PIK3R5: variants seen among roughly 807,000 people sequenced by gnomAD.
PIK3R5 encodes the protein phosphoinositide-3-kinase regulatory subunit 5.
PIK3R5 carries 32 observed loss-of-function variants against 94.9 expected under a neutral mutation model. That is an observed-to-expected ratio of 0.34 (90% CI 0.25 to 0.45). PIK3R5 has a LOEUF of 0.45. Among genes scored for constraint, PIK3R5 ranks in the 20% least tolerant of loss-of-function variants. The pLI, the probability that PIK3R5 is intolerant of heterozygous loss-of-function variation, is 1.00. For synonymous variants in PIK3R5, 443 were observed against 479.4 expected (o/e 0.92, Z 0.99); for missense variants, 853 against 1,144.6 (o/e 0.75, Z 3.68).
intron 1 of PIK3R5, among the ~76,000 whole-genome samples, chr17:8,928,459 G>GA (rs1327107336): frequency 6.6e-6 from 1 of 152,120 alleles, no homozygotes; most frequent in African/African-American, 2.4e-5. Context: ...ACATCTCATA[G>GA]TCAAAATTCT....
chr17:8,963,759 T>C (rs771745390), intron 1 of PIK3R5, among the ~76,000 whole-genome samples: 12 of 152,094 alleles, frequency 7.9e-5, no homozygotes, highest in Non-Finnish European at 1.5e-4. Flanking sequence ...CTGCTTCTAC[T>C]GCAGCCTGAG....
intron 5 of PIK3R5, among the ~76,000 whole-genome samples, chr17:8,897,757 T>G (rs1275477516): frequency 6.6e-6 from 1 of 152,164 alleles, no homozygotes; most frequent in Non-Finnish European, 1.5e-5. Context: ...TTAACTGGAA[T>G]GTGGACATGA....
intron 1 of PIK3R5, among the ~76,000 whole-genome samples, chr17:8,942,796 A>C (rs560411269): frequency 7.9e-5 from 12 of 151,858 alleles, no homozygotes; most frequent in East Asian, 5.9e-4. Context: ...TTAGTAGAGA[A>C]GGGGTTTCAC....
At position 8,893,316 on chromosome 17, in the gene PIK3R5, G is replaced by A. The variant is rs1023924543; in HGVS notation, c.482+270C>T. 6.6e-6 allele frequency among the ~76,000 whole-genome samples: 1 copy of A among 152,150 alleles called. No homozygotes were observed. The highest frequency in any genetic ancestry group is 2.4e-5 in the African/African-American group (1 of 41,416). On this transcript the variant is annotated intron_variant, in intron 6 of 18. Coordinates refer to ENST00000447110, the MANE Select transcript of PIK3R5 (RefSeq NM_001142633.3). The surrounding 1 kb of genome is among the most constrained non-coding windows in gnomAD (Gnocchi z 5.1). ...TCATCTGAAAATAATGAAAGTGGGG[G>A]AACTGTGTGCCTAACACCTGGCATA...
intron 1 of PIK3R5, among the ~76,000 whole-genome samples, chr17:8,964,742 TGAG>T (rs2091634642): frequency 6.6e-6 from 1 of 152,230 alleles, no homozygotes; most frequent in Non-Finnish European, 1.5e-5. Flanking sequence ...GTGGGGTGGA[TGAG>T]AAGACACAGA....
chr17:8,903,308 TTATC>T (rs1218707900), intron 5 of PIK3R5, among the ~76,000 whole-genome samples: 1 of 151,736 alleles, frequency 6.6e-6, no homozygotes, highest in Admixed American at 6.6e-5. Flanking sequence ...TCTTCTTCCA[TTATC>T]TATCTATTCT....
At chr17:8,923,048 AG>A (rs1468199165) in intron 1 of PIK3R5, among the ~76,000 whole-genome samples, 3 of 152,110 alleles carry the variant, frequency 2.0e-5, no homozygotes, top group African/African-American at 7.2e-5. Context: ...AGGATGAAGG[AG>A]GGGAAGGAGA....
chr17:8,959,032 A>C (rs1041448463), intron 1 of PIK3R5, among the ~76,000 whole-genome samples: 1 of 152,214 alleles, frequency 6.6e-6, no homozygotes, highest in African/African-American at 2.4e-5. Context: ...TGCTGGGATT[A>C]CAGGTGTGAG....
Position 8,911,199 on chromosome 17 carries a change from T to C in PIK3R5, c.103+193A>G, listed in dbSNP as rs532393452. ...AGATGCCGTGGGAGAAGGGAGAAAG[T>C]GCCAGACACTGAGGTCTGACTACAT... On this transcript the variant is annotated intron_variant, in intron 2 of 18. Transcript: ENST00000447110. The surrounding 1 kb of genome is among the most constrained non-coding windows in gnomAD (Gnocchi z 5.3). 1.3e-5 allele frequency among the ~76,000 whole-genome samples: 2 copies of C among 152,294 alleles called. No individual in the cohort carries two copies. Among genetic ancestry groups the C allele is most frequent in the African/African-American group, 4.8e-5 (2 of 41,576 alleles).
chr17:8,936,179 C>T (rs2091072893), intron 1 of PIK3R5, among the ~76,000 whole-genome samples: 1 of 152,068 alleles, frequency 6.6e-6, no homozygotes, highest in Non-Finnish European at 1.5e-5. Flanking sequence ...CCTCTCCTTC[C>T]TCCTCCCACC....
chr17:8,897,507 C>A (rs2090179022), intron 5 of PIK3R5, among the ~76,000 whole-genome samples: 1 of 152,174 alleles, frequency 6.6e-6, no homozygotes, highest in African/African-American at 2.4e-5. Flanking sequence ...TGAGATGAGA[C>A]CTTTCATAAC....
intron 5 of PIK3R5, among the ~76,000 whole-genome samples, chr17:8,898,212 C>T (rs1264182271): frequency 1.3e-5 from 2 of 152,188 alleles, no homozygotes; most frequent in Non-Finnish European, 2.9e-5. Context: ...AGTAATGTCC[C>T]CAGAGAAATG....
Position 8,888,600 on chromosome 17 carries a change from T to TCGCTGTCCTCCACGTAGC in PIK3R5, c.1169_1186dup (p.Gly390_Ser395dup). The TCGCTGTCCTCCACGTAGC allele has an allele frequency of 6.2e-6, 10 of 1,612,472 alleles. No individual in the cohort carries two copies. The highest frequency in any genetic ancestry group is 8.5e-6 in the Non-Finnish European group (10 of 1,179,488). On this transcript the variant is annotated inframe_insertion, in exon 10 of 19. Coordinates refer to ENST00000447110, the MANE Select transcript of PIK3R5 (RefSeq NM_001142633.3). This position sits in a 1 kb window ranked among gnomAD's most constrained non-coding sequence, Gnocchi z 7.8. ...CCAAGGCCACTCGGAGGAGCTCTCC[T>TCGCTGTCCTCCACGTAGC]CGCTGTCCTCCACGTAGCCGCTGTC...
In PIK3R5 at chr17:8,888,154, C is replaced by G; in HGVS notation, c.1616+17G>C. 6.2e-7 allele frequency: 1 copy of G among 1,612,458 alleles called. No individual in the cohort carries two copies. Among genetic ancestry groups the G allele is most frequent in the Non-Finnish European group, 8.5e-7 (1 of 1,179,302 alleles). ...TGTTACCCAGGGCAGAGGGATGCTC[C>G]GCATTACGGCTCTTACCGAAGGTTG... On this transcript the variant is annotated intron_variant, in intron 10 of 18. Transcript: ENST00000447110. The surrounding 1 kb of genome is among the most constrained non-coding windows in gnomAD (Gnocchi z 7.8).
At position 8,890,183 on chromosome 17, in the gene PIK3R5, T is replaced by C; in HGVS notation, c.658-57A>G. 1 of 1,564,890 alleles carries C rather than the reference T, an allele frequency of 6.4e-7. No individual in the cohort carries two copies. The highest frequency in any genetic ancestry group is 8.8e-7 in the Non-Finnish European group (1 of 1,141,686). ...CTGGACCGTGAGCTAGCTGTCCACC[T>C]GTTCCAGTTGCTAGCTTCTTACTGA... On this transcript the variant is annotated intron_variant, in intron 7 of 18. Coordinates refer to ENST00000447110, the MANE Select transcript of PIK3R5 (RefSeq NM_001142633.3). This position sits in a 1 kb window ranked among gnomAD's most constrained non-coding sequence, Gnocchi z 6.1.
At chr17:8,926,909 G>GTT (rs143477773) in intron 1 of PIK3R5, among the ~76,000 whole-genome samples, 9,235 of 151,818 alleles carry the variant, frequency 0.061, 300 homozygotes, top group African/African-American at 0.071. Context: ...GATAACAGAG[G>GTT]TTATATATAT....
intron 1 of PIK3R5, among the ~76,000 whole-genome samples, chr17:8,950,649 A>G (rs2091360131): frequency 6.6e-6 from 1 of 152,188 alleles, no homozygotes; most frequent in African/African-American, 2.4e-5. Context: ...ACGGCTGCAT[A>G]GTATTTCATG....
chr17:8,887,259 A>G (rs1266714717), intron 11 of PIK3R5, 38 bp from the exon 12 acceptor site: 19 of 1,611,110 alleles, frequency 1.2e-5, no homozygotes, highest in Non-Finnish European at 1.5e-5. Context: ...CCAGCTCCCC[A>G]GGAGGCCTGC....
At chr17:8,923,605 C>A (rs1379302867) in intron 1 of PIK3R5, among the ~76,000 whole-genome samples, 2 of 152,200 alleles carry the variant, frequency 1.3e-5, no homozygotes, top group Non-Finnish European at 2.9e-5. Context: ...AAGACTATAA[C>A]AATAAAACAA....
Sources: gnomAD v4.1 joint callset for allele counts (sites outside exome capture counted in the v4.1 genomes callset) on GRCh38, gnomAD v4.1.1 for gene constraint, Gnocchi (gnomAD v3.1) non-coding constraint, MANE v1.5 for transcripts, NCBI Gene and HGNC (gene_info 2026-07-23, HGNC 2026-07-21) for gene names.